The following IQGAP2 variants were observed in gnomAD, a reference collection of about 807,000 sequenced individuals.
IQGAP2 encodes the protein ras GTPase-activating-like protein IQGAP2.
Under a neutral mutation model 201.3 loss-of-function variants are expected in IQGAP2, and 173 were observed. The observed-to-expected ratio is 0.86, with a 90% CI of 0.76 to 0.98. IQGAP2 has a LOEUF of 0.98. Among genes scored for constraint, IQGAP2 ranks in the 50% least tolerant of loss-of-function variants. IQGAP2 has a pLI of 0.00. For synonymous variants in IQGAP2, 675 were observed against 673.9 expected (o/e 1.00, Z -0.03); for missense variants, 1,687 against 1,864.8 (o/e 0.90, Z 1.76).
intron 1 of IQGAP2, among the ~76,000 whole-genome samples, chr5:76,442,290 A>G (rs1485213870): frequency 2.0e-5 from 3 of 152,198 alleles, no homozygotes; most frequent in Admixed American, 2.0e-4. Context: ...AACCTATGGT[A>G]TGATTTATTA....
chr5:76,637,315 C>A, intron 16 of IQGAP2, 139 bp downstream of exon 16: 2 of 657,824 alleles, frequency 3.0e-6, no homozygotes, highest in Non-Finnish European at 4.8e-6. Flanking sequence ...TCTTCATGAA[C>A]TGCAGTTGAA....
chr5:76,698,298 A>G (rs973563484), intron 33 of IQGAP2, 151 bp downstream of exon 33: 1 of 556,994 alleles, frequency 1.8e-6, no homozygotes, highest in Admixed American at 3.5e-5. Flanking sequence ...ATTATTTGCC[A>G]CTGTGAACTA....
chr5:76,651,245 C>A (rs373172601), intron 17 of IQGAP2, among the ~76,000 whole-genome samples: 1 of 152,158 alleles, frequency 6.6e-6, no homozygotes, highest in Non-Finnish European at 1.5e-5. Flanking sequence ...TTTCTGTTTT[C>A]TAGGAACCCT....
At chr5:76,570,903 G>A (rs1336057554) in intron 4 of IQGAP2, among the ~76,000 whole-genome samples, 2 of 152,148 alleles carry the variant, frequency 1.3e-5, no homozygotes, top group Admixed American at 6.5e-5. Context: ...AGCTATAGCT[G>A]GTAGATAGGT....
chr5:76,548,246 G>C (rs764689773), intron 2 of IQGAP2, among the ~76,000 whole-genome samples: 2 of 152,204 alleles, frequency 1.3e-5, no homozygotes, highest in Non-Finnish European at 2.9e-5. Context: ...AACCAAGTTA[G>C]AAGCCAGATT....
intron 5 of IQGAP2, among the ~76,000 whole-genome samples, chr5:76,578,573 G>C (rs1475240646): frequency 6.6e-6 from 1 of 152,104 alleles, no homozygotes; most frequent in Non-Finnish European, 1.5e-5. Context: ...CAGCTTCCCA[G>C]TGTGCTGGGA....
chr5:76,577,716 A>G (rs1043060974), intron 5 of IQGAP2, among the ~76,000 whole-genome samples: 4 of 152,234 alleles, frequency 2.6e-5, no homozygotes, highest in African/African-American at 9.6e-5. Context: ...TGTGCAAGAC[A>G]CATTTGAAAG....
intron 28 of IQGAP2, 46 bp downstream of exon 28, chr5:76,677,396 G>A (rs1184994984): frequency 5.0e-6 from 8 of 1,589,950 alleles, no homozygotes; most frequent in East Asian, 2.2e-5. Context: ...CCATGATTTA[G>A]GCATCTGTTA....
At chr5:76,601,026 T>C in intron 11 of IQGAP2, 54 bp downstream of exon 11, 1 of 1,560,952 alleles carries the variant, frequency 6.4e-7, no homozygotes. Flanking sequence ...GTTTGGCAGA[T>C]CTTAAAAGTG....
chr5:76,484,190 A>C (rs1038717271), intron 2 of IQGAP2, among the ~76,000 whole-genome samples: 17 of 152,160 alleles, frequency 1.1e-4, no homozygotes, highest in Non-Finnish European at 4.4e-5. Flanking sequence ...CCATAGAAAG[A>C]GCAAACGAAA....
At chr5:76,579,279 C>A (rs1193962217) in intron 5 of IQGAP2, among the ~76,000 whole-genome samples, 1 of 152,036 alleles carries the variant, frequency 6.6e-6, no homozygotes, top group Non-Finnish European at 1.5e-5. Flanking sequence ...ACATAATCTT[C>A]GTGGCACCAG....
rs565151901 is a variant in IQGAP2 at position 76,637,691 on chromosome 5, A to C, written c.1923+515A>C. Among the ~76,000 whole-genome samples, 3 of 152,360 alleles carry C rather than the reference A, an allele frequency of 2.0e-5. No homozygotes were observed. In the South Asian group the frequency reaches 6.2e-4, roughly 32 times the overall value. ...TGGGCAAAGAGCAGGATGGGTAAAC[A>C]TTAAATGTTTGCTTCTTCCGAGATG... is the stretch of plus-strand genomic sequence containing the variant. On this transcript the variant is annotated intron_variant, in intron 16 of 35. Transcript: ENST00000274364.
chr5:76,599,487 G>A (rs941791402), intron 10 of IQGAP2, among the ~76,000 whole-genome samples: 5 of 151,952 alleles, frequency 3.3e-5, no homozygotes, highest in South Asian at 2.1e-4. Flanking sequence ...AGGTATCCAC[G>A]GACAGGTCAC....
At chr5:76,407,938 C>T (rs1750884036) in intron 1 of IQGAP2, among the ~76,000 whole-genome samples, 1 of 152,178 alleles carries the variant, frequency 6.6e-6, no homozygotes, top group Admixed American at 6.5e-5. Flanking sequence ...TGAGACTAGC[C>T]TAGCCAGCAT....
At chr5:76,705,307 C>G (rs553366386) in intron 35 of IQGAP2, among the ~76,000 whole-genome samples, 1 of 152,264 alleles carries the variant, frequency 6.6e-6, no homozygotes, top group South Asian at 2.1e-4. Flanking sequence ...TATCTCATTC[C>G]CAGTAGCACC....
rs59411410 is a variant in IQGAP2 at position 76,573,777 on chromosome 5, A to AT, written c.382-1897dup. Among the ~76,000 whole-genome samples, 261 of 126,154 alleles carry AT rather than the reference A, an allele frequency of 2.1e-3. 1 individual carries two copies. Among genetic ancestry groups the AT allele is most frequent in the East Asian group, 7.5e-3 (34 of 4,530 alleles). 82.8% of individuals were successfully genotyped at this position (126,154 alleles called of 152,430 possible). ...TAGGTGTGCTCCACCATGCCCAGCTATTTTTTTTTTTTTTTTTTTAATTTT... is the reference window on the plus strand; with the variant it reads ...TAGGTGTGCTCCACCATGCCCAGCTATTTTTTTTTTTTTTTTTTTTAATTTT... On this transcript the variant is annotated intron_variant, in intron 4 of 35. Coordinates refer to ENST00000274364, the MANE Select transcript of IQGAP2 (RefSeq NM_006633.5).
intron 13 of IQGAP2, among the ~76,000 whole-genome samples, 180 bp downstream of exon 13, chr5:76,611,363 A>T (rs1748397609): frequency 6.6e-6 from 1 of 152,128 alleles, no homozygotes; most frequent in South Asian, 2.1e-4. Flanking sequence ...TTGGGGGGAA[A>T]CCAGCTCCAG....
At chr5:76,568,841 G>T (rs1744918682) in intron 3 of IQGAP2, among the ~76,000 whole-genome samples, 1 of 152,140 alleles carries the variant, frequency 6.6e-6, no homozygotes, top group South Asian at 2.1e-4. Flanking sequence ...AAAGAAAGCA[G>T]AGTACCTCAT....
Position 76,668,678 on chromosome 5 carries a change from T to C in IQGAP2, c.2680-3T>C, listed in dbSNP as rs1744017561. 3 of 1,603,448 alleles carry C rather than the reference T, an allele frequency of 1.9e-6. No homozygotes were observed. Among genetic ancestry groups the C allele is most frequent in the African/African-American group, 1.3e-5 (1 of 74,500 alleles). On this transcript the variant is annotated splice_region_variant and splice_polypyrimidine_tract_variant and intron_variant, in intron 22 of 35. Transcript: ENST00000274364. ...TGTTTTCTTTTTCCTTCTTTCCTTC[T>C]AGACCAACCCTTTATACTTGGCTAA... is the stretch of plus-strand genomic sequence containing the variant.
Sources: gnomAD v4.1 joint callset for allele counts (sites outside exome capture counted in the v4.1 genomes callset) on GRCh38, gnomAD v4.1.1 for gene constraint, MANE v1.5 for transcripts, NCBI Gene and HGNC (gene_info 2026-07-23, HGNC 2026-07-21) for gene names.